The following RELN variants were observed in gnomAD, a reference collection of about 807,000 sequenced individuals.
RELN encodes the protein reelin.
RELN carries 108 observed loss-of-function variants against 427.6 expected under a neutral mutation model. That is an observed-to-expected ratio of 0.25 (90% CI 0.22 to 0.30). The LOEUF is 0.30. Ranked by LOEUF, RELN falls within the 10% of genes least tolerant of loss-of-function variation. The pLI is 1.00. For synonymous variants in RELN, 1,524 were observed against 1,513.4 expected (o/e 1.01, Z -0.16); for missense variants, 3,715 against 4,302.8 (o/e 0.86, Z 3.82).
intron 2 of RELN, among the ~76,000 whole-genome samples, chr7:103,851,837 T>C (rs1352448949): frequency 6.6e-6 from 1 of 152,210 alleles, no homozygotes; most frequent in Non-Finnish European, 1.5e-5. Flanking sequence ...CATTATTCAA[T>C]CGGATATTAG....
chr7:103,592,925 C>T (rs1421773214), intron 27 of RELN, among the ~76,000 whole-genome samples: 1 of 152,142 alleles, frequency 6.6e-6, no homozygotes, highest in Non-Finnish European at 1.5e-5. Context: ...TTATTTATGA[C>T]TCACTTCCTT....
intron 10 of RELN, among the ~76,000 whole-genome samples, chr7:103,687,501 G>T (rs1429558092): frequency 2.0e-5 from 3 of 152,104 alleles, no homozygotes; most frequent in African/African-American, 7.2e-5. Context: ...AATACTGCAG[G>T]GAACATGCCT....
chr7:103,966,684 C>A (rs1190934780), intron 1 of RELN, among the ~76,000 whole-genome samples: 1 of 152,158 alleles, frequency 6.6e-6, no homozygotes, highest in Non-Finnish European at 1.5e-5. Flanking sequence ...TCGGAAGCTA[C>A]AAATGTACCA....
At chr7:103,913,676 A>G (rs1037562131) in intron 2 of RELN, among the ~76,000 whole-genome samples, 8 of 152,132 alleles carry the variant, frequency 5.3e-5, no homozygotes, top group Non-Finnish European at 1.0e-4. Context: ...TAGATCAAAT[A>G]CCCCAAAAAT....
At chr7:103,780,097 T>A (rs947484235) in intron 3 of RELN, among the ~76,000 whole-genome samples, 15 of 152,194 alleles carry the variant, frequency 9.9e-5, no homozygotes, top group African/African-American at 2.2e-4. Flanking sequence ...GCTAAAGCCA[T>A]TTTAGTTAAC....
chr7:103,822,020 A>G (rs1158279432), intron 3 of RELN, among the ~76,000 whole-genome samples: 1 of 152,124 alleles, frequency 6.6e-6, no homozygotes, highest in African/African-American at 2.4e-5. Context: ...GCGCTAAAAT[A>G]GAGATGGAAA....
At chr7:103,950,124 T>C (rs2116760957) in intron 1 of RELN, among the ~76,000 whole-genome samples, 1 of 152,318 alleles carries the variant, frequency 6.6e-6, no homozygotes, top group Admixed American at 6.5e-5. Flanking sequence ...CACTGTGTCC[T>C]AACATGATGG....
chr7:103,635,411 G>A lies in RELN; in HGVS notation c.2465+14C>T, dbSNP rs1459641925. 1 of 1,613,112 alleles carries A rather than the reference G, an allele frequency of 6.2e-7. No homozygotes were observed. The highest frequency in any genetic ancestry group is 8.5e-7 in the Non-Finnish European group (1 of 1,179,472). On this transcript the variant is annotated intron_variant, in intron 19 of 64. Coordinates refer to ENST00000428762, the MANE Select transcript of RELN (RefSeq NM_005045.4). ...TCACTCTACAACCATTTTTCCAAATGCTTTCCAACATACCTGGGCTCATGA... is the reference window on the plus strand; with the variant it reads ...TCACTCTACAACCATTTTTCCAAATACTTTCCAACATACCTGGGCTCATGA...
chr7:103,907,414 G>GAAAAAAAAAAAAAAAAAA lies in RELN; in HGVS notation c.337+9660_337+9661insTTTTTTTTTTTTTTTTTT, dbSNP rs1795234328. 2.8e-4 allele frequency among the ~76,000 whole-genome samples: 11 copies of GAAAAAAAAAAAAAAAAAA among 39,690 alleles called. 5 individuals carry two copies. The highest frequency in any genetic ancestry group is 3.8e-4 in the Non-Finnish European group (9 of 23,706). 26.0% of individuals were successfully genotyped at this position (39,690 alleles called of 152,430 possible). A position where few individuals can be genotyped will look rare whatever the true frequency, so the allele number is the denominator to read the frequency against. On this transcript the variant is annotated intron_variant, in intron 2 of 64. Transcript: ENST00000428762. Reference sequence around the variant, plus strand: ...GCCTGGGCAACAAGATCAAGGCTCTGGAAAAAAAAAAAAAAAAAAAAAAAA... The same window carrying GAAAAAAAAAAAAAAAAAA: ...GCCTGGGCAACAAGATCAAGGCTCTGAAAAAAAAAAAAAAAAAAGAAAAAAAAAAAAAAAAAAAAAAAA...
intron 2 of RELN, among the ~76,000 whole-genome samples, chr7:103,858,264 AT>A (rs1793992701): frequency 6.6e-6 from 1 of 152,142 alleles, no homozygotes; most frequent in African/African-American, 2.4e-5. Flanking sequence ...ACAAAATGGG[AT>A]TATAACAATA....
chr7:103,730,339 T>C (rs531877301), intron 6 of RELN, among the ~76,000 whole-genome samples: 13 of 152,156 alleles, frequency 8.5e-5, no homozygotes, highest in Admixed American at 4.6e-4. Context: ...CCTCCTTCCA[T>C]AGTTTCGCTT....
intron 1 of RELN, among the ~76,000 whole-genome samples, chr7:103,970,540 G>T (rs892794396): frequency 1.1e-4 from 16 of 152,046 alleles, no homozygotes; most frequent in African/African-American, 3.9e-4. Context: ...TGGCTCCCAA[G>T]GATAGTGCTG....
intron 2 of RELN, among the ~76,000 whole-genome samples, chr7:103,850,586 G>A (rs937837503): frequency 2.0e-5 from 3 of 152,152 alleles, no homozygotes; most frequent in African/African-American, 4.8e-5. Context: ...TGAATGGGGC[G>A]AGAAGCCTCC....
intron 46 of RELN, among the ~76,000 whole-genome samples, chr7:103,524,502 G>T (rs1226441320): frequency 6.6e-6 from 1 of 151,192 alleles, no homozygotes; most frequent in Non-Finnish European, 1.5e-5. Flanking sequence ...CAACACACGT[G>T]TTTTCAGAGG....
chr7:103,696,737 A>G (rs991583987), intron 10 of RELN, among the ~76,000 whole-genome samples: 15 of 152,166 alleles, frequency 9.9e-5, no homozygotes, highest in African/African-American at 3.6e-4. Context: ...CTACTATCAT[A>G]AGCCTCCTAT....
intron 2 of RELN, among the ~76,000 whole-genome samples, chr7:103,840,574 G>A (rs1793528482): frequency 6.6e-6 from 1 of 152,126 alleles, no homozygotes; most frequent in Non-Finnish European, 1.5e-5. Flanking sequence ...ATGACACAAA[G>A]GCAGACATAA....
chr7:103,917,843 A>T (rs1795520688), intron 1 of RELN, among the ~76,000 whole-genome samples: 1 of 152,138 alleles, frequency 6.6e-6, no homozygotes, highest in Admixed American at 6.6e-5. Context: ...GTAAAATTAA[A>T]TATATACGTA....
At chr7:103,899,075 A>C (rs1013213890) in intron 2 of RELN, among the ~76,000 whole-genome samples, 1 of 152,134 alleles carries the variant, frequency 6.6e-6, no homozygotes, top group Non-Finnish European at 1.5e-5. Context: ...AGAGAGAAGA[A>C]TCGAATAAAC....
rs1227648050 is a variant in RELN at position 103,569,535 on chromosome 7, C to T, written c.4588+2649G>A. The stretch of plus-strand genomic sequence containing the variant: ...TCTAAATTTGCATTTTAACAAGGCT[C>T]CCAAATGATTCAGGTGAACATTAAA... On this transcript the variant is annotated intron_variant, in intron 31 of 64. Coordinates refer to ENST00000428762, the MANE Select transcript of RELN (RefSeq NM_005045.4). The surrounding 1 kb of genome is among the most constrained non-coding windows in gnomAD (Gnocchi z 4.0). Among the ~76,000 whole-genome samples, 1 of 152,176 alleles carries T rather than the reference C, an allele frequency of 6.6e-6. No individual in the cohort carries two copies. The highest frequency in any genetic ancestry group is 6.5e-5 in the Admixed American group (1 of 15,282).
Sources: gnomAD v4.1 joint callset for allele counts (sites outside exome capture counted in the v4.1 genomes callset) on GRCh38, gnomAD v4.1.1 for gene constraint, Gnocchi (gnomAD v3.1) non-coding constraint, MANE v1.5 for transcripts, NCBI Gene and HGNC (gene_info 2026-07-23, HGNC 2026-07-21) for gene names.